ZZZ3: variants seen among roughly 807,000 people sequenced by gnomAD.
ZZZ3 encodes zinc finger ZZ-type containing 3.
ZZZ3 carries 22 observed loss-of-function variants against 95.2 expected under a neutral mutation model. That is an observed-to-expected ratio of 0.23 (90% CI 0.17 to 0.33). The LOEUF (loss-of-function observed/expected upper bound fraction) is 0.33. ZZZ3 is among the 10% of genes least tolerant of loss of function. The pLI is 1.00. For missense variants in ZZZ3, 885 were observed against 1,066.5 expected (o/e 0.83, Z 2.37); for synonymous variants, 335 against 358.9 (o/e 0.93, Z 0.75).
In ZZZ3 at chr1:77,649,873, C is replaced by CA. The variant is rs796963092; in HGVS notation, c.-402-8219dup. On this transcript the variant is annotated intron_variant, in intron 1 of 14. Transcript: ENST00000370801. ...GGGCAACGAGAACAAAACTCCATCT[C>CA]AAAAAAAAAAAAAGCTTTTCCCCTT... is the stretch of plus-strand genomic sequence containing the variant. 1.7e-3 allele frequency among the ~76,000 whole-genome samples: 199 copies of CA among 116,604 alleles called. 1 individual carries two copies. The highest frequency in any genetic ancestry group is 7.3e-3 in the East Asian group (30 of 4,128). The allele number at this position is 116,604 out of a possible 152,430, so 76.5% of individuals were successfully genotyped here.
In ZZZ3 at chr1:77,633,365, G is replaced by C; in HGVS notation, c.-11C>G. 1 of 1,586,462 alleles carries C rather than the reference G, an allele frequency of 6.3e-7. No homozygotes were observed. Among genetic ancestry groups the C allele is most frequent in the South Asian group, 1.2e-5 (1 of 85,634 alleles). ...TCGGGAAGCAGCCATACTATGGCAA[G>C]TCCCTACAATACGGTCATCATGATC... is the stretch of plus-strand genomic sequence containing the variant. On this transcript the variant is annotated 5_prime_UTR_variant, in exon 5 of 15. Transcript: ENST00000370801.
chr1:77,570,336 C>T (rs1341139966), intron 12 of ZZZ3, among the ~76,000 whole-genome samples: 1 of 152,182 alleles, frequency 6.6e-6, no homozygotes, highest in Non-Finnish European at 1.5e-5. Flanking sequence ...ATCTCCTGAC[C>T]TCGTGATCTG....
At chr1:77,674,727 A>G (rs1476155161) in intron 1 of ZZZ3, among the ~76,000 whole-genome samples, 3 of 152,054 alleles carry the variant, frequency 2.0e-5, no homozygotes, top group Non-Finnish European at 1.5e-5. Flanking sequence ...CGAGGTGGGC[A>G]GATCACTTGA....
intron 13 of ZZZ3, 135 bp downstream of exon 13, chr1:77,568,197 T>C: frequency 1.6e-6 from 1 of 638,102 alleles, no homozygotes; most frequent in South Asian, 2.3e-5. Flanking sequence ...GAGAATCGCT[T>C]GAACCCGGGA....
At chr1:77,596,052 C>T (rs1337483890) in intron 5 of ZZZ3, among the ~76,000 whole-genome samples, 1 of 151,966 alleles carries the variant, frequency 6.6e-6, no homozygotes, top group Non-Finnish European at 1.5e-5. Flanking sequence ...TCTGTTATAA[C>T]AAACAATGGT....
intron 5 of ZZZ3, among the ~76,000 whole-genome samples, chr1:77,629,554 A>G (rs902318955): frequency 6.6e-6 from 1 of 152,048 alleles, no homozygotes; most frequent in Non-Finnish European, 1.5e-5. Context: ...CCTGGGAGGT[A>G]GGTCAAAGCT....
chr1:77,598,086 G>A (rs1266652646), intron 5 of ZZZ3, among the ~76,000 whole-genome samples: 4 of 152,110 alleles, frequency 2.6e-5, no homozygotes, highest in Non-Finnish European at 4.4e-5. Flanking sequence ...CAGGGGTTAG[G>A]AGCACAGATG....
intron 5 of ZZZ3, among the ~76,000 whole-genome samples, chr1:77,616,635 T>C (rs1666342784): frequency 1.3e-5 from 2 of 152,064 alleles, no homozygotes; most frequent in Non-Finnish European, 2.9e-5. Flanking sequence ...GAGGTCGAGG[T>C]GGGTGGATCA....
intron 1 of ZZZ3, among the ~76,000 whole-genome samples, chr1:77,682,189 TTC>T (rs761615263): frequency 2.7e-5 from 4 of 150,780 alleles, no homozygotes; most frequent in Non-Finnish European, 5.9e-5. Flanking sequence ...ATGGGAGGAG[TTC>T]TGTTTCAGGA....
At position 77,565,595 on chromosome 1, in the gene ZZZ3, T is replaced by C. The variant is rs751216788; in HGVS notation, c.*45A>G. The C allele has an allele frequency of 7.6e-6, 12 of 1,586,440 alleles. No homozygotes were observed. Among genetic ancestry groups the C allele is most frequent in the Admixed American group, 1.7e-5 (1 of 57,338 alleles). On this transcript the variant is annotated 3_prime_UTR_variant, in exon 15 of 15. Transcript: ENST00000370801. ...GTGCACATAATTAACAATGATACCA[T>C]TGCTATGTGTTGAAGAGGACTAGTA...
intron 5 of ZZZ3, among the ~76,000 whole-genome samples, chr1:77,620,880 A>G (rs1389525186): frequency 6.6e-6 from 1 of 152,228 alleles, no homozygotes; most frequent in Non-Finnish European, 1.5e-5. Context: ...GGAAGAACAA[A>G]GCCAGTAACT....
intron 14 of ZZZ3, 27 bp from the exon 15 acceptor site, chr1:77,565,811 T>C: frequency 6.3e-7 from 1 of 1,597,288 alleles, no homozygotes; most frequent in Non-Finnish European, 8.5e-7. Flanking sequence ...ACACACATCA[T>C]TACATGGTAG....
intron 5 of ZZZ3, among the ~76,000 whole-genome samples, chr1:77,622,650 TA>T (rs1169900591): frequency 1.3e-5 from 2 of 152,290 alleles, no homozygotes; most frequent in East Asian, 3.9e-4. Flanking sequence ...TGAAACCTAG[TA>T]AAAAAGTTTC....
chr1:77,648,124 C>G (rs1669461188), intron 1 of ZZZ3, among the ~76,000 whole-genome samples: 1 of 151,972 alleles, frequency 6.6e-6, no homozygotes, highest in Admixed American at 6.6e-5. Context: ...TTTGGGAGGC[C>G]AAGGTGGGTG....
intron 5 of ZZZ3, among the ~76,000 whole-genome samples, chr1:77,630,274 G>A (rs1667677996): frequency 6.6e-6 from 1 of 152,010 alleles, no homozygotes; most frequent in Non-Finnish European, 1.5e-5. Flanking sequence ...AGGAGATTAA[G>A]ACGAGCCTGG....
chr1:77,668,213 G>GT (rs1211348652), intron 1 of ZZZ3, among the ~76,000 whole-genome samples: 1 of 152,052 alleles, frequency 6.6e-6, no homozygotes, highest in Non-Finnish European at 1.5e-5. Flanking sequence ...GAGCCTATCA[G>GT]TATTGATTGC....
At chr1:77,607,656 T>C (rs866822449) in intron 5 of ZZZ3, among the ~76,000 whole-genome samples, 51 of 152,082 alleles carry the variant, frequency 3.4e-4, no homozygotes, top group African/African-American at 1.2e-3. Context: ...CCGGGCACAG[T>C]GGCTCACCTG....
At chr1:77,595,324 T>C (rs1005692442) in intron 5 of ZZZ3, among the ~76,000 whole-genome samples, 5 of 152,042 alleles carry the variant, frequency 3.3e-5, no homozygotes, top group African/African-American at 1.2e-4. Flanking sequence ...GATGAATGCA[T>C]AAGCATGTTA....
chr1:77,644,065 T>TG (rs1228534348), intron 1 of ZZZ3, among the ~76,000 whole-genome samples: 3 of 151,890 alleles, frequency 2.0e-5, no homozygotes, highest in African/African-American at 7.2e-5. Context: ...TAACTTTCTT[T>TG]TTTTTTTTTT....
Sources: gnomAD v4.1 joint callset for allele counts (sites outside exome capture counted in the v4.1 genomes callset) on GRCh38, gnomAD v4.1.1 for gene constraint, MANE v1.5 for transcripts, NCBI Gene and HGNC (gene_info 2026-07-23, HGNC 2026-07-21) for gene names.